The following RYR3 variants were observed in gnomAD, a reference collection of about 807,000 sequenced individuals.
RYR3 encodes the protein ryanodine receptor 3.
A neutral mutation model predicts 584.3 loss-of-function variants in RYR3; 207 were observed. The ratio of observed to expected loss-of-function variants is 0.35; its 90% CI spans 0.32 to 0.40. The LOEUF is 0.40. RYR3 is among the 10% of genes least tolerant of loss of function. The pLI is 1.00. For synonymous variants in RYR3, 2,416 were observed against 2,248.5 expected (o/e 1.07, Z -2.11); for missense variants, 5,616 against 6,089.2 (o/e 0.92, Z 2.59).
intron 1 of RYR3, among the ~76,000 whole-genome samples, chr15:33,351,096 G>C (rs980125713): frequency 1.3e-5 from 2 of 152,160 alleles, no homozygotes; most frequent in African/African-American, 4.8e-5. Flanking sequence ...CGATCCCACA[G>C]AAATACAAAC....
chr15:33,548,914 T>G (rs2056455836), intron 9 of RYR3, among the ~76,000 whole-genome samples: 1 of 152,116 alleles, frequency 6.6e-6, no homozygotes, highest in Non-Finnish European at 1.5e-5. Flanking sequence ...TGCCTTTCCC[T>G]CTAGTTCTTT....
At chr15:33,591,883 T>C (rs1273311412) in intron 16 of RYR3, among the ~76,000 whole-genome samples, 1 of 152,184 alleles carries the variant, frequency 6.6e-6, no homozygotes, top group Non-Finnish European at 1.5e-5. Context: ...AGAAAAAATA[T>C]AGTTAGCATT....
chr15:33,566,921 T>A, intron 12 of RYR3, 122 bp downstream of exon 12: 2 of 1,119,822 alleles, frequency 1.8e-6, no homozygotes, highest in Non-Finnish European at 2.6e-6. Flanking sequence ...CAGCAAAGAG[T>A]TTTACCATCA....
At chr15:33,424,877 C>G (rs547035642) in intron 1 of RYR3, among the ~76,000 whole-genome samples, 1 of 152,260 alleles carries the variant, frequency 6.6e-6, no homozygotes, top group South Asian at 2.1e-4. Flanking sequence ...ACTTGGAAGG[C>G]TAAGGCAGGA....
chr15:33,731,740 C>G (rs1472553562), intron 48 of RYR3, 46 bp downstream of exon 48: 13 of 1,293,704 alleles, frequency 1.0e-5, no homozygotes, highest in Non-Finnish European at 1.4e-5. Context: ...GCATCCAGGT[C>G]AACTGCATTT....
intron 1 of RYR3, among the ~76,000 whole-genome samples, chr15:33,431,974 A>G (rs978859544): frequency 2.6e-5 from 4 of 152,192 alleles, no homozygotes; most frequent in Non-Finnish European, 4.4e-5. Context: ...AGAAACAGCA[A>G]GACTTACTGG....
At chr15:33,384,503 T>A (rs1321782520) in intron 1 of RYR3, among the ~76,000 whole-genome samples, 2 of 146,912 alleles carry the variant, frequency 1.4e-5, no homozygotes, top group African/African-American at 5.0e-5. Flanking sequence ...AATTATACTA[T>A]TATTTTAATT....
Position 33,670,421 on chromosome 15 carries a change from G to T in RYR3, c.5725G>T (p.Val1909Phe). The change falls in exon 38 of 104, where the codon GTT becomes TTT. Residue 1909 changes from valine to phenylalanine, a missense_variant and splice_region_variant. By Grantham distance (50) the Val-to-Phe change is conservative. This residue lies in a region of RYR3 where 1,280 missense variants were observed against 1,426.2 expected (regional missense o/e 0.90). Transcript: ENST00000634891. ...FHEDLLLHCGVPLEEEEEEEE... is the reference protein window; with the variant it reads ...FHEDLLLHCGFPLEEEEEEEE... ...CACCCTGTTCTGTGGCTTGCTAGGGGTTCCTTTGGAAGAAGAGGAAGAGGA... is the reference window on the plus strand; with the variant it reads ...CACCCTGTTCTGTGGCTTGCTAGGGTTTCCTTTGGAAGAAGAGGAAGAGGA... 5 of 1,613,676 alleles carry T rather than the reference G, an allele frequency of 3.1e-6. No homozygotes were observed. Among genetic ancestry groups the T allele is most frequent in the Non-Finnish European group, 4.2e-6 (5 of 1,179,772 alleles).
At chr15:33,656,746 T>C (rs935073054) in intron 32 of RYR3, among the ~76,000 whole-genome samples, 1 of 152,156 alleles carries the variant, frequency 6.6e-6, no homozygotes, top group Non-Finnish European at 1.5e-5. Flanking sequence ...TTGCTGGCTA[T>C]CAGCCAGGGC....
intron 27 of RYR3, among the ~76,000 whole-genome samples, chr15:33,639,499 AGTT>A (rs1403748088): frequency 1.3e-5 from 2 of 152,158 alleles, no homozygotes; most frequent in Non-Finnish European, 2.9e-5. Context: ...TCTTGCCTTG[AGTT>A]GTTAAGAAAA....
chr15:33,793,924 C>CTATCTA (rs2075322302), intron 67 of RYR3, among the ~76,000 whole-genome samples: 1 of 141,778 alleles, frequency 7.1e-6, no homozygotes, highest in Non-Finnish European at 1.5e-5. Context: ...CACACACACT[C>CTATCTA]TATATATATA....
At chr15:33,599,638 G>C (rs1045230174) in intron 16 of RYR3, among the ~76,000 whole-genome samples, 1 of 152,198 alleles carries the variant, frequency 6.6e-6, no homozygotes, top group South Asian at 2.1e-4. Context: ...TGACTGAATA[G>C]AACGGGAGGC....
chr15:33,702,186 G>A (rs2066354779), intron 42 of RYR3, among the ~76,000 whole-genome samples: 1 of 152,190 alleles, frequency 6.6e-6, no homozygotes, highest in African/African-American at 2.4e-5. Flanking sequence ...GCGCTGGGCT[G>A]TGGAGGCAGT....
intron 60 of RYR3, among the ~76,000 whole-genome samples, chr15:33,765,206 G>A (rs8035184): frequency 0.52 from 78,342 of 151,804 alleles, 21,587 homozygotes; most frequent in African/African-American, 0.73. Flanking sequence ...TAACAGAAAT[G>A]AGAAAAGAGG....
rs563004100 is a variant in RYR3, at chr15:33,703,323, C to G, written c.6483+2243C>G. Among the ~76,000 whole-genome samples the G allele has an allele frequency of 4.1e-4, 63 of 152,260 alleles. No homozygotes were observed. The South Asian group carries it at 0.013, about 31-fold the overall frequency. On this transcript the variant is annotated intron_variant, in intron 42 of 103. Coordinates refer to ENST00000634891, the MANE Select transcript of RYR3 (RefSeq NM_001036.6). ...GAGGATATTACTTTGCTGGGGCTGC[C>G]ATAACAAAGTACCACAGGTTGGGTG...
chr15:33,853,166 C>T (rs1011968669), intron 95 of RYR3, 79 bp downstream of exon 95: 6 of 1,209,318 alleles, frequency 5.0e-6, no homozygotes, highest in African/African-American at 1.5e-5. Flanking sequence ...CACATACAAA[C>T]ATGAGTAAAT....
intron 1 of RYR3, among the ~76,000 whole-genome samples, chr15:33,468,551 T>C (rs1299662521): frequency 1.3e-5 from 2 of 152,232 alleles, no homozygotes; most frequent in South Asian, 2.1e-4. Flanking sequence ...GACCCTGTTA[T>C]GTGGGTGAAA....
intron 85 of RYR3, among the ~76,000 whole-genome samples, chr15:33,827,880 A>G (rs2077461444): frequency 6.6e-6 from 1 of 152,188 alleles, no homozygotes; most frequent in South Asian, 2.1e-4. Flanking sequence ...GACCTATGCC[A>G]TAGGGTGGTA....
chr15:33,617,246 C>CT (rs5811780), intron 19 of RYR3, among the ~76,000 whole-genome samples: 142,909 of 151,766 alleles, frequency 0.94, 67,933 homozygotes, highest in East Asian at 1. Context: ...AACCCCGTCT[C>CT]ACTAAAAATA....
Sources: allele counts gnomAD v4.1 joint callset (sites outside exome capture counted in the v4.1 genomes callset), GRCh38; gene constraint gnomAD v4.1.1; regional missense constraint gnomAD v4.1.1; transcripts MANE v1.5; gene names NCBI Gene and HGNC (gene_info 2026-07-23, HGNC 2026-07-21).